SOX30: variants seen among roughly 807,000 people sequenced by gnomAD.
The protein encoded by SOX30 is SRY-box transcription factor 30, also known as transcription factor SOX-30.
SOX30 carries 17 observed loss-of-function variants against 58.6 expected under a neutral mutation model. The ratio of observed to expected loss-of-function variants is 0.29; its 90% CI spans 0.20 to 0.44. The LOEUF is 0.44. SOX30 is among the 20% of genes least tolerant of loss of function. The pLI is 1.00. For missense variants in SOX30, 951 were observed against 965.8 expected (o/e 0.98, Z 0.20); for synonymous variants, 421 against 400.2 (o/e 1.05, Z -0.62).
At chr5:157,658,535 C>T (rs1355478942) in intron 2 of SOX30, among the ~76,000 whole-genome samples, 2 of 152,170 alleles carry the variant, frequency 1.3e-5, no homozygotes, top group African/African-American at 2.4e-5. Flanking sequence ...CCAGATATCA[C>T]CTTTTGTCAA....
intron 4 of SOX30, among the ~76,000 whole-genome samples, chr5:157,634,203 T>C (rs1017562834): frequency 5.3e-5 from 8 of 152,206 alleles, no homozygotes; most frequent in African/African-American, 1.2e-4. Flanking sequence ...GTGAACTGCG[T>C]AGCGAAAAGA....
chr5:157,654,103 T>C (rs946836739), upstream of SOX30, among the ~76,000 whole-genome samples: 4 of 151,584 alleles, frequency 2.6e-5, no homozygotes, highest in Admixed American at 6.6e-5. Flanking sequence ...GAGGCAGAGG[T>C]TGCAGGAGCC....
At chr5:157,641,581 C>G (rs1250718359) in intron 3 of SOX30, among the ~76,000 whole-genome samples, 1 of 151,982 alleles carries the variant, frequency 6.6e-6, no homozygotes, top group Non-Finnish European at 1.5e-5. Flanking sequence ...CCACTGCACT[C>G]CAACCTGGGT....
At chr5:157,657,952 T>C (rs886220533) in intron 2 of SOX30, among the ~76,000 whole-genome samples, 1 of 152,194 alleles carries the variant, frequency 6.6e-6, no homozygotes, top group African/African-American at 2.4e-5. Context: ...TAAAAGCCCC[T>C]TGGGGAATTG....
intron 3 of SOX30, among the ~76,000 whole-genome samples, chr5:157,639,119 C>T (rs905703749): frequency 2.0e-5 from 3 of 151,986 alleles, no homozygotes; most frequent in Non-Finnish European, 2.9e-5. Flanking sequence ...CACATAAATG[C>T]TGGTATGCAT....
At chr5:157,666,506 C>T (rs561767661) in intron 2 of SOX30, among the ~76,000 whole-genome samples, 7 of 151,318 alleles carry the variant, frequency 4.6e-5, no homozygotes, top group Non-Finnish European at 5.9e-5. Context: ...CACACACACA[C>T]ACACACACAC....
chr5:157,638,616 C>A lies in SOX30; in HGVS notation c.1494G>T (p.Gln498His). ...CTGGATAGACAGGTAGACTTGGATC[C>A]TGGACAGCCACCTGAGCAGCACTGG... is the stretch of plus-strand genomic sequence containing the variant. The part of the protein sequence containing the change: ...SVSSAAQVAV[Q>H]DPSLPVYPAL... Residue 498 changes from glutamine to histidine, a missense_variant, in exon 4 of 5, where the codon CAG (glutamine) becomes CAT (histidine). Physicochemically the swap from Gln to His is conservative, Grantham distance 24 (BLOSUM62 0). Coordinates refer to ENST00000265007, the MANE Select transcript of SOX30 (RefSeq NM_178424.2). 6.2e-7 allele frequency: 1 copy of A among 1,614,136 alleles called. No homozygotes were observed. Among genetic ancestry groups the A allele is most frequent in the Non-Finnish European group, 8.5e-7 (1 of 1,180,016 alleles).
intron 3 of SOX30, among the ~76,000 whole-genome samples, chr5:157,642,179 G>A (rs1434053315): frequency 1.3e-5 from 2 of 152,064 alleles, no homozygotes; most frequent in Non-Finnish European, 2.9e-5. Context: ...AGCCAGGCGT[G>A]GTGGCGCTTG....
Position 157,638,647 on chromosome 5 carries a change from C to A in SOX30, c.1463G>T (p.Ser488Ile), listed in dbSNP as rs1348450375. 6.2e-7 allele frequency: 1 copy of A among 1,614,126 alleles called. No individual in the cohort carries two copies. The highest frequency in any genetic ancestry group is 2.2e-5 in the East Asian group (1 of 44,886). Reference sequence around the variant, plus strand: ...AGCCACCTGAGCAGCACTGGAGACGCTGGGCTGGAAAAGTGTGACAGGGCT... The same window carrying A: ...AGCCACCTGAGCAGCACTGGAGACGATGGGCTGGAAAAGTGTGACAGGGCT... Reference protein sequence around the residue: ...SPSPVTLFQPSVSSAAQVAVQ... With the variant: ...SPSPVTLFQPIVSSAAQVAVQ... Residue 488 changes from serine to isoleucine, a missense_variant, in exon 4 of 5, where the codon AGC (serine) becomes ATC (isoleucine). Coordinates refer to ENST00000265007, the MANE Select transcript of SOX30 (RefSeq NM_178424.2).
upstream of SOX30, among the ~76,000 whole-genome samples, chr5:157,653,134 G>A (rs1477571723): frequency 6.6e-6 from 1 of 152,196 alleles, no homozygotes; most frequent in East Asian, 1.9e-4. Context: ...ACTGCAGGGT[G>A]TTTAAACATG....
Position 157,625,924 on chromosome 5 carries a change from GACA to G in SOX30, c.*413_*415del, listed in dbSNP as rs1561576368. On this transcript the variant is annotated 3_prime_UTR_variant, in exon 5 of 5. Transcript: ENST00000265007. ...CTTTCAAAATGTTACATCAAAAATTGACAACATCCATAAGTATTACATAAAAAG... is the reference window on the plus strand; with the variant it reads ...CTTTCAAAATGTTACATCAAAAATTGACATCCATAAGTATTACATAAAAAG... 6.5e-6 allele frequency: 1 copy of G among 153,458 alleles called. No homozygotes were observed. The highest frequency in any genetic ancestry group is 2.4e-5 in the African/African-American group (1 of 41,440). The allele number at this position is 153,458 out of a possible 1,614,324, so 9.5% of individuals were successfully genotyped here. A position where few individuals can be genotyped will look rare whatever the true frequency, so the allele number is the denominator to read the frequency against.
At chr5:157,667,230 G>A (rs933546820) in intron 2 of SOX30, among the ~76,000 whole-genome samples, 2 of 152,212 alleles carry the variant, frequency 1.3e-5, no homozygotes, top group Non-Finnish European at 2.9e-5. Flanking sequence ...GATGAGCTCA[G>A]CTTGTCACTG....
rs115298516 is a variant in SOX30 at position 157,647,424 on chromosome 5, G to A, written c.1208-608C>T. 5.4e-3 allele frequency among the ~76,000 whole-genome samples: 820 copies of A among 152,142 alleles called. 6 individuals are homozygous for A. Among genetic ancestry groups the A allele is most frequent in the African/African-American group, 0.019 (784 of 41,520 alleles). On this transcript the variant is annotated intron_variant, in intron 2 of 4. Transcript: ENST00000265007. The stretch of plus-strand genomic sequence containing the variant: ...CTGTAGTAGAGTCAACATCAAAACC[G>A]CTGTATTTGAATCCCAAAGCCTTTC...
intron 3 of SOX30, 110 bp downstream of exon 3, chr5:157,646,527 A>G: frequency 1.3e-6 from 1 of 789,994 alleles, no homozygotes; most frequent in Admixed American, 3.0e-5. Context: ...TTTTTTTCTT[A>G]ACATTGTTGT....
At chr5:157,640,825 T>C (rs1466171844) in intron 3 of SOX30, among the ~76,000 whole-genome samples, 2 of 152,128 alleles carry the variant, frequency 1.3e-5, no homozygotes, top group Non-Finnish European at 2.9e-5. Flanking sequence ...GATTCCTTAC[T>C]TGTCTGCACA....
rs770534276 is a variant in SOX30 at position 157,667,800 on chromosome 5, T to G, written c.50A>C (p.Gln17Pro). The change falls in exon 2 of 6, where the codon CAA (glutamine) becomes CCA (proline). Residue 17 changes from glutamine (Q) to proline (P), a missense_variant and splice_region_variant. Gln to Pro is a moderately conservative substitution (Grantham distance 76). Coordinates refer to the SOX30 transcript ENST00000519442. ...CACACACACACACACATACAAACCT[T>G]GCTGGATGCACAGTAGACTTTGTTC... The G allele has an allele frequency of 2.1e-5, 33 of 1,535,108 alleles. No individual in the cohort carries two copies. In the South Asian group the frequency reaches 3.7e-4, roughly 17 times the overall value.
intron 3 of SOX30, among the ~76,000 whole-genome samples, chr5:157,640,066 G>A (rs11743367): frequency 6.6e-6 from 1 of 152,174 alleles, no homozygotes; most frequent in Non-Finnish European, 1.5e-5. Flanking sequence ...GCCCTACTCA[G>A]GCCCTTCCTG....
Position 157,651,330 on chromosome 5 carries a change from G to C in SOX30, c.749C>G (p.Ala250Gly). The change falls in exon 1 of 5, where the codon GCC (alanine) becomes GGC (glycine). Residue 250 changes from alanine (A) to glycine (G), a missense_variant. By Grantham distance (60) the Ala-to-Gly change is moderately conservative. Transcript: ENST00000265007. ...AAGGTCTTGCTGGTGCGGCCCAAAG[G>C]CACCGGACGTTGGGGCCAAGATGAC... ...AEVILAPTSG[A>G]FGPHQQDLRI... is the part of the protein sequence containing the mutation. The C allele has an allele frequency of 6.2e-7, 1 of 1,614,054 alleles. No individual in the cohort carries two copies. The highest frequency in any genetic ancestry group is 1.1e-5 in the South Asian group (1 of 91,084).
intron 4 of SOX30, among the ~76,000 whole-genome samples, chr5:157,635,528 A>G (rs1246137712): frequency 1.3e-5 from 2 of 151,996 alleles, no homozygotes; most frequent in Admixed American, 6.6e-5. Context: ...GGAGGCTGAG[A>G]TAGGAGAATT....
Sources: allele counts gnomAD v4.1 joint callset (sites outside exome capture counted in the v4.1 genomes callset), GRCh38; gene constraint gnomAD v4.1.1; transcripts MANE v1.5; gene names NCBI Gene and HGNC (gene_info 2026-07-23, HGNC 2026-07-21).